The following UBE4B variants were observed in gnomAD, a reference collection of about 807,000 sequenced individuals.
UBE4B encodes the protein ubiquitin conjugation factor E4 B.
A neutral mutation model predicts 148.1 loss-of-function variants in UBE4B; 27 were observed. The ratio of observed to expected loss-of-function variants is 0.18; its 90% confidence interval spans 0.13 to 0.25. The LOEUF is 0.25. UBE4B is among the 10% of genes least tolerant of loss of function. The probability of loss-of-function intolerance (pLI) is 1.00; values close to 1 mark genes in which losing one functional copy is unlikely to be tolerated. For missense variants in UBE4B, 1,170 were observed against 1,662.4 expected, an observed-to-expected ratio of 0.70 and a Z score of 5.15; for synonymous variants, 596 against 619.3, an observed-to-expected ratio of 0.96 and a Z score of 0.56.
chr1:10,044,995 G>A (rs1014437660), intron 1 of UBE4B, among the ~76,000 whole-genome samples: 4 of 152,162 alleles, frequency 2.6e-5, no homozygotes, highest in East Asian at 1.9e-4. Context: ...GTAAGTAGAC[G>A]GTCCATCTAG....
intron 1 of UBE4B, among the ~76,000 whole-genome samples, chr1:10,064,108 C>A (rs1396358387): frequency 6.6e-6 from 1 of 152,172 alleles, no homozygotes; most frequent in Non-Finnish European, 1.5e-5. Context: ...AACTACTCAG[C>A]GTTCCCTAAA....
intron 1 of UBE4B, among the ~76,000 whole-genome samples, chr1:10,058,490 T>C (rs1644220882): frequency 6.6e-6 from 1 of 152,138 alleles, no homozygotes; most frequent in African/African-American, 2.4e-5. Flanking sequence ...CTGGAGAAAG[T>C]GCACAGGAGC....
intron 7 of UBE4B, among the ~76,000 whole-genome samples, chr1:10,116,374 C>T (rs1464085105): frequency 3.9e-5 from 6 of 152,082 alleles, no homozygotes; most frequent in Admixed American, 3.3e-4. Context: ...AACTCCTGGC[C>T]TCAAGTGATC....
chr1:10,056,514 T>C (rs1570793002), intron 1 of UBE4B, among the ~76,000 whole-genome samples: 1 of 152,350 alleles, frequency 6.6e-6, no homozygotes, highest in East Asian at 1.9e-4. Flanking sequence ...CCTGCTCTCT[T>C]GGAGCTTGTA....
At chr1:10,068,711 T>C (rs1292734687) in intron 1 of UBE4B, among the ~76,000 whole-genome samples, 1 of 152,186 alleles carries the variant, frequency 6.6e-6, no homozygotes, top group Non-Finnish European at 1.5e-5. Context: ...GAGGTAAACC[T>C]TTATACCTGT....
At chr1:10,165,740 T>C (rs1243838206) in intron 23 of UBE4B, among the ~76,000 whole-genome samples, 3 of 152,128 alleles carry the variant, frequency 2.0e-5, no homozygotes, top group Non-Finnish European at 4.4e-5. Context: ...CCTTCAGATA[T>C]ACCCTCCCTC....
intron 1 of UBE4B, among the ~76,000 whole-genome samples, chr1:10,038,931 G>C (rs1220981959): frequency 6.6e-6 from 1 of 151,894 alleles, no homozygotes; most frequent in Non-Finnish European, 1.5e-5. Flanking sequence ...GTGATGGTAC[G>C]CACCTGTAAT....
chr1:10,115,435 A>C (rs1645292775), intron 7 of UBE4B, among the ~76,000 whole-genome samples: 1 of 151,504 alleles, frequency 6.6e-6, no homozygotes, highest in African/African-American at 2.4e-5. Flanking sequence ...TGCCTGGCTA[A>C]TTTTTTTGTA....
rs1394460556 is a variant in UBE4B at position 10,105,458 on chromosome 1, CTGTGTAACCTGTGTTCGAACTG to C, written c.581-45_581-24del. On this transcript the variant is annotated intron_variant, in intron 5 of 27. Coordinates refer to ENST00000343090, the MANE Select transcript of UBE4B (RefSeq NM_001105562.3). ...TGGGGTCAGCTGGCTTATTCAAGGG[CTGTGTAACCTGTGTTCGAACTG>C]TGTGTAACCTGTTCTTTGTTCTGCC... 4 of 1,494,528 alleles carry C rather than the reference CTGTGTAACCTGTGTTCGAACTG, an allele frequency of 2.7e-6. No homozygotes were observed. In the African/African-American group the frequency reaches 5.5e-5, roughly 21 times the overall value. 92.6% of individuals were successfully genotyped at this position (1,494,528 alleles called of 1,614,324 possible). A position where few individuals can be genotyped will look rare whatever the true frequency, so the allele number is the denominator to read the frequency against.
chr1:10,143,201 C>G (rs907713587), intron 17 of UBE4B, among the ~76,000 whole-genome samples: 1 of 151,792 alleles, frequency 6.6e-6, no homozygotes, highest in African/African-American at 2.4e-5. Context: ...GTCAGAAGTT[C>G]GAGATCAGCC....
intron 1 of UBE4B, 61 bp downstream of exon 1, chr1:10,033,755 G>C (rs1297282792): frequency 6.7e-7 from 1 of 1,482,772 alleles, no homozygotes; most frequent in East Asian, 2.6e-5. Context: ...CTTTGGACAG[G>C]GATGGTATTG....
chr1:10,111,695 A>G (rs1049022450), intron 7 of UBE4B, among the ~76,000 whole-genome samples: 3 of 152,078 alleles, frequency 2.0e-5, no homozygotes, highest in African/African-American at 7.2e-5. Flanking sequence ...GGTGGCTCAC[A>G]CCTGTAATCC....
chr1:10,099,555 T>C (rs1644977158), intron 3 of UBE4B, among the ~76,000 whole-genome samples: 3 of 152,256 alleles, frequency 2.0e-5, no homozygotes, highest in Admixed American at 2.0e-4. Context: ...CCCAAGTTGA[T>C]CTCTAAGAGT....
At chr1:10,052,153 G>A (rs947070346) in intron 1 of UBE4B, among the ~76,000 whole-genome samples, 4 of 150,878 alleles carry the variant, frequency 2.7e-5, no homozygotes, top group Middle Eastern at 6.8e-3. Context: ...TGCAACCTCC[G>A]CCTCCTGGGT....
chr1:10,126,669 C>CA, intron 10 of UBE4B, 125 bp from the exon 11 acceptor site: 1 of 778,060 alleles, frequency 1.3e-6, no homozygotes, highest in Non-Finnish European at 2.1e-6. Flanking sequence ...CTTTTATATG[C>CA]AAAAAAGCTT....
intron 18 of UBE4B, 135 bp from the exon 19 acceptor site, chr1:10,146,828 A>T: frequency 9.4e-7 from 1 of 1,068,518 alleles, no homozygotes; most frequent in Non-Finnish European, 1.3e-6. Flanking sequence ...AGCATCTTAT[A>T]GCTAGTTAGG....
intron 1 of UBE4B, among the ~76,000 whole-genome samples, chr1:10,052,144 G>A (rs1352584216): frequency 6.6e-6 from 1 of 150,882 alleles, no homozygotes; most frequent in Admixed American, 6.6e-5. Context: ...TTGGCTCACT[G>A]CAACCTCCGC....
In UBE4B at chr1:10,168,470, G is replaced by A. The variant is rs17034558; in HGVS notation, c.3333+200G>A. 0.06 allele frequency among the ~76,000 whole-genome samples: 9,208 copies of A among 152,276 alleles called. 744 individuals carry two copies. Among genetic ancestry groups the A allele is most frequent in the East Asian group, 0.22 (1,140 of 5,190 alleles). On this transcript the variant is annotated intron_variant, in intron 24 of 27. Transcript: ENST00000343090. The surrounding 1 kb of genome is among the most constrained non-coding windows in gnomAD (Gnocchi z 4.9). ...ATGGACTGAAGAGCAGATGTCTGAT[G>A]TCACCACATAGTCTACAGCCACTTC...
chr1:10,150,453 G>A (rs971697837), intron 20 of UBE4B, among the ~76,000 whole-genome samples: 1 of 152,138 alleles, frequency 6.6e-6, no homozygotes, highest in African/African-American at 2.4e-5. Context: ...TGTTTTGGTA[G>A]TGATGATCTT....
Sources: allele counts gnomAD v4.1 joint callset (sites outside exome capture counted in the v4.1 genomes callset), GRCh38; gene constraint gnomAD v4.1.1; non-coding constraint Gnocchi (gnomAD v3.1); transcripts MANE v1.5; gene names NCBI Gene and HGNC (gene_info 2026-07-23, HGNC 2026-07-21).